The following MYZAP variants were observed in gnomAD, a reference collection of about 807,000 sequenced individuals.
MYZAP encodes GRINL1A complex locus upstream.
MYZAP carries 66 observed loss-of-function variants against 69.4 expected under a neutral mutation model. The ratio of observed to expected loss-of-function variants is 0.95; its 90% CI spans 0.78 to 1.17. MYZAP has a LOEUF of 1.17. Among genes scored for constraint, MYZAP ranks in the 50% most tolerant of loss-of-function variants. MYZAP has a pLI of 0.00. For missense variants in MYZAP, 611 were observed against 556.2 expected, an observed-to-expected ratio of 1.10 and a Z score of -0.99; for synonymous variants, 256 against 205.9, an observed-to-expected ratio of 1.24 and a Z score of -2.09.
Position 57,653,183 on chromosome 15 carries a change from C to T in MYZAP, c.1120-8267C>T, listed in dbSNP as rs117555820. On this transcript the variant is annotated intron_variant, in intron 10 of 12. Coordinates refer to ENST00000267853, the MANE Select transcript of MYZAP (RefSeq NM_001018100.5). ...CGATGTGTGCAAGTACACACAGCCC[C>T]GACACTCTGATTTTGAAAACAATGA... Among the ~76,000 whole-genome samples, 26 of 151,622 alleles carry T rather than the reference C, an allele frequency of 1.7e-4. No individual in the cohort carries two copies. In the East Asian group the frequency reaches 3.9e-3, roughly 23 times the overall value.
At chr15:57,682,771 A>G (rs898649756) in intron 12 of MYZAP, among the ~76,000 whole-genome samples, 2 of 152,136 alleles carry the variant, frequency 1.3e-5, no homozygotes, top group Admixed American at 6.5e-5. Context: ...CATGGTTTGC[A>G]GTTCCACATC....
chr15:57,681,544 G>A (rs1365638664), intron 12 of MYZAP, among the ~76,000 whole-genome samples: 1 of 152,234 alleles, frequency 6.6e-6, no homozygotes, highest in African/African-American at 2.4e-5. Flanking sequence ...AGCACTTTGG[G>A]AGGCCGAGTT....
intron 12 of MYZAP, among the ~76,000 whole-genome samples, chr15:57,678,041 CAAAAA>C (rs56102709): frequency 0.13 from 14,951 of 116,310 alleles, 914 homozygotes; most frequent in Middle Eastern, 0.2. Context: ...TTATCTCTAC[CAAAAA>C]AAAAAAAAAA....
At chr15:57,640,050 T>G (rs1184002474) in intron 10 of MYZAP, among the ~76,000 whole-genome samples, 1 of 152,166 alleles carries the variant, frequency 6.6e-6, no homozygotes, top group African/African-American at 2.4e-5. Context: ...CACTCCTGCT[T>G]CTTCTTCCTT....
At chr15:57,621,195 C>A (rs1215892707) in intron 3 of MYZAP, among the ~76,000 whole-genome samples, 1 of 132,946 alleles carries the variant, frequency 7.5e-6, no homozygotes, top group African/African-American at 2.8e-5. Flanking sequence ...TGGGGTCCTT[C>A]TTTCTTTTTC....
rs190515107 is a variant in MYZAP at position 57,639,862 on chromosome 15, G to T, written c.1119+317G>T. Among the ~76,000 whole-genome samples, 462 of 152,292 alleles carry T rather than the reference G, an allele frequency of 3.0e-3. 2 individuals carry two copies. The highest frequency in any genetic ancestry group is 0.011 in the African/African-American group (451 of 41,572). On this transcript the variant is annotated intron_variant, in intron 10 of 12. Coordinates refer to ENST00000267853, the MANE Select transcript of MYZAP (RefSeq NM_001018100.5). Reference sequence around the variant, plus strand: ...CCCACAGCTCAGGGGACCCAAGGGGGTGATGGGCAGGGTGAATTTAGCCCA... The same window carrying T: ...CCCACAGCTCAGGGGACCCAAGGGGTTGATGGGCAGGGTGAATTTAGCCCA...
At chr15:57,644,966 G>A (rs2037366581) in intron 10 of MYZAP, among the ~76,000 whole-genome samples, 1 of 152,234 alleles carries the variant, frequency 6.6e-6, no homozygotes, top group Non-Finnish European at 1.5e-5. Context: ...GAGAGACTAA[G>A]GGTGATTCTC....
chr15:57,627,196 C>A (rs1339163179), intron 5 of MYZAP, among the ~76,000 whole-genome samples: 1 of 152,070 alleles, frequency 6.6e-6, no homozygotes, highest in East Asian at 1.9e-4. Context: ...TTGTGCTTTG[C>A]CATCTGGCCA....
intron 4 of MYZAP, among the ~76,000 whole-genome samples, chr15:57,624,350 C>A (rs1317351393): frequency 6.6e-6 from 1 of 152,064 alleles, no homozygotes; most frequent in Non-Finnish European, 1.5e-5. Flanking sequence ...ACACCTAGTA[C>A]CTTGATTATA....
intron 10 of MYZAP, among the ~76,000 whole-genome samples, chr15:57,645,507 G>A (rs1326360277): frequency 6.6e-6 from 1 of 152,132 alleles, no homozygotes; most frequent in African/African-American, 2.4e-5. Flanking sequence ...AAAGTTATTA[G>A]TTTCCTTGTC....
At chr15:57,600,412 T>C (rs1422832356) in intron 1 of MYZAP, among the ~76,000 whole-genome samples, 1 of 152,260 alleles carries the variant, frequency 6.6e-6, no homozygotes, top group African/African-American at 2.4e-5. Context: ...GTTCATTTTA[T>C]TTTATGCATT....
chr15:57,679,369 TGTGTGTTTC>T (rs1567244204), intron 12 of MYZAP, among the ~76,000 whole-genome samples: 10 of 42,356 alleles, frequency 2.4e-4, no homozygotes, highest in African/African-American at 5.6e-4. Context: ...TGTGTGTGTG[TGTGTGTTTC>T]TCTCTCTCTC....
chr15:57,599,377 G>C, intron 1 of MYZAP: 1 of 821,094 alleles, frequency 1.2e-6, no homozygotes, highest in Non-Finnish European at 1.5e-6. Context: ...TGCCATCGTC[G>C]TACCCTCATA....
At position 57,639,156 on chromosome 15, in the gene MYZAP, G is replaced by A. The variant is rs757995894; in HGVS notation, c.1014-284G>A. 5.7e-4 allele frequency among the ~76,000 whole-genome samples: 87 copies of A among 151,692 alleles called. 1 individual carries two copies. Among genetic ancestry groups the A allele is most frequent in the South Asian group, 1.7e-3 (8 of 4,792 alleles). ...CATTTTTAAATGTTTTTAAATTTAC[G>A]TTTATTTTTTTACCAAACCTTCCCC... On this transcript the variant is annotated intron_variant, in intron 9 of 12. Transcript: ENST00000267853.
At chr15:57,646,571 A>G in intron 10 of MYZAP, 1 of 1,020,886 alleles carries the variant, frequency 9.8e-7, no homozygotes, top group Non-Finnish European at 1.2e-6. Flanking sequence ...TGCCAAAGAC[A>G]TCTGCTAAGG....
intron 10 of MYZAP, among the ~76,000 whole-genome samples, chr15:57,658,503 T>C (rs1294307024): frequency 9.2e-5 from 14 of 152,346 alleles, no homozygotes; most frequent in African/African-American, 3.1e-4. Flanking sequence ...ATCTAGAGCA[T>C]TGCTGCCCCA....
chr15:57,673,460 A>ATG (rs1195764391), intron 11 of MYZAP, among the ~76,000 whole-genome samples: 1 of 72,868 alleles, frequency 1.4e-5, no homozygotes, highest in South Asian at 5.4e-4. Flanking sequence ...GCATGCGTGC[A>ATG]TGCGTGTGTG....
intron 6 of MYZAP, among the ~76,000 whole-genome samples, chr15:57,631,440 C>T (rs953433563): frequency 2.1e-5 from 3 of 145,996 alleles, no homozygotes; most frequent in African/African-American, 7.7e-5. Context: ...TTCTCCTACT[C>T]CTCCTATTTT....
rs779756848 is a variant in MYZAP, at chr15:57,639,498, G to A, written c.1072G>A (p.Asp358Asn). Residue 358 changes from aspartate to asparagine, a missense_variant, in exon 10 of 13, where the codon GAC (aspartate) becomes AAC (asparagine). Asp to Asn is a conservative substitution (Grantham distance 23, BLOSUM62 1). Coordinates refer to ENST00000267853, the MANE Select transcript of MYZAP (RefSeq NM_001018100.5). ...SLRERIRHLD[D>N]MVHCQQKKVK... ...CCGTGAGCGGATCAGACACCTAGAT[G>A]ACATGGTGCATTGCCAGCAGAAGAA... 1 of 1,614,114 alleles carries A rather than the reference G, an allele frequency of 6.2e-7. No homozygotes were observed. The highest frequency in any genetic ancestry group is 8.5e-7 in the Non-Finnish European group (1 of 1,180,008).
Sources: gnomAD v4.1 joint callset for allele counts (sites outside exome capture counted in the v4.1 genomes callset) on GRCh38, gnomAD v4.1.1 for gene constraint, MANE v1.5 for transcripts, NCBI Gene and HGNC (gene_info 2026-07-23, HGNC 2026-07-21) for gene names.